The following MLLT3 variants were observed in gnomAD, a reference collection of about 807,000 sequenced individuals.
MLLT3 encodes protein AF-9.
Under a neutral mutation model 53.2 loss-of-function variants are expected in MLLT3, and 4 were observed. The ratio of observed to expected loss-of-function variants is 0.08; its 90% CI spans 0.04 to 0.17. The LOEUF (loss-of-function observed/expected upper bound fraction) is 0.17, where lower values mean the gene tolerates loss of function less well. MLLT3 is among the 10% of genes least tolerant of loss of function. MLLT3 has a pLI of 1.00. For synonymous variants in MLLT3, 283 were observed against 230.6 expected (o/e 1.23, Z -2.06); for missense variants, 569 against 684.0 (o/e 0.83, Z 1.87).
chr9:20,599,707 A>C (rs1820369109), intron 2 of MLLT3, among the ~76,000 whole-genome samples: 1 of 152,206 alleles, frequency 6.6e-6, no homozygotes, highest in African/African-American at 2.4e-5. Flanking sequence ...AAAAAGGGTG[A>C]CTATATAATC....
At chr9:20,513,432 G>A (rs867920199) in intron 2 of MLLT3, among the ~76,000 whole-genome samples, 24 of 152,312 alleles carry the variant, frequency 1.6e-4, no homozygotes, top group Non-Finnish European at 2.6e-4. Context: ...ACCAATGCGG[G>A]CGAAAGACAA....
chr9:20,496,773 G>A (rs141482295), intron 2 of MLLT3, among the ~76,000 whole-genome samples: 67 of 152,280 alleles, frequency 4.4e-4, no homozygotes, highest in Middle Eastern at 3.4e-3. Flanking sequence ...CTATGCCAGT[G>A]GATTCAGGCT....
chr9:20,472,646 C>T (rs1017803950), intron 2 of MLLT3, among the ~76,000 whole-genome samples: 2 of 151,888 alleles, frequency 1.3e-5, no homozygotes, highest in African/African-American at 4.8e-5. Flanking sequence ...ATATATAAGC[C>T]CCTGCATGTT....
intron 1 of MLLT3, 133 bp downstream of exon 1, chr9:20,622,112 C>T: frequency 1.9e-6 from 2 of 1,066,676 alleles, no homozygotes; most frequent in Admixed American, 2.8e-5. Context: ...GGAGAGGCGG[C>T]AGCTCCCTGC....
In MLLT3 at chr9:20,414,312, A is replaced by ACTG. The variant is rs747298605; in HGVS notation, c.531_533dup (p.Ser190dup). 1.3e-3 allele frequency: 2,080 copies of ACTG among 1,564,604 alleles called. 2 individuals carry two copies. The highest frequency in any genetic ancestry group is 6.1e-3 in the East Asian group (269 of 43,756). Reference sequence around the variant, plus strand: ...TGCTGCTGCTGCTACTGCTGCTGCTACTGCTGCTGCTGCTGCTGCTGCTGC... The same window carrying ACTG: ...TGCTGCTGCTGCTACTGCTGCTGCTACTGCTGCTGCTGCTGCTGCTGCTGCTGC... On this transcript the variant is annotated inframe_insertion, in exon 5 of 11. Transcript: ENST00000380338.
rs946671073 is a variant in MLLT3, at chr9:20,448,376, C to T, written c.277-110G>A. On this transcript the variant is annotated intron_variant, in intron 3 of 10. Coordinates refer to ENST00000380338, the MANE Select transcript of MLLT3 (RefSeq NM_004529.4). This position sits in a 1 kb window ranked among gnomAD's most constrained non-coding sequence, Gnocchi z 4.0. ...AATAGAAAAGAACTAAGACATCTAACAGCTAAACTGTCAAAGTAGTACTGG... is the reference window on the plus strand; with the variant it reads ...AATAGAAAAGAACTAAGACATCTAATAGCTAAACTGTCAAAGTAGTACTGG... 4 of 926,422 alleles carry T rather than the reference C, an allele frequency of 4.3e-6. No homozygotes were observed. The African/African-American group carries it at 6.7e-5, about 15-fold the overall frequency. The allele number at this position is 926,422 out of a possible 1,614,324, so 57.4% of individuals were successfully genotyped here. A position where few individuals can be genotyped will look rare whatever the true frequency, so the allele number is the denominator to read the frequency against.
intron 2 of MLLT3, among the ~76,000 whole-genome samples, chr9:20,467,978 G>C (rs1412051212): frequency 6.6e-6 from 1 of 152,210 alleles, no homozygotes; most frequent in Non-Finnish European, 1.5e-5. Flanking sequence ...CGTGGAGACA[G>C]AGAAGTTTAG....
intron 2 of MLLT3, among the ~76,000 whole-genome samples, chr9:20,531,418 G>A (rs570112674): frequency 1.3e-5 from 2 of 152,142 alleles, no homozygotes; most frequent in Non-Finnish European, 2.9e-5. Flanking sequence ...TTACAGGTGT[G>A]AGCCACTGTA....
chr9:20,507,498 G>C (rs1372170077), intron 2 of MLLT3, among the ~76,000 whole-genome samples: 1 of 152,000 alleles, frequency 6.6e-6, no homozygotes, highest in Non-Finnish European at 1.5e-5. Context: ...ATTTCTTAAA[G>C]CTTGCCTTTA....
At chr9:20,536,221 GGGAATAAAT>G (rs780316354) in intron 2 of MLLT3, among the ~76,000 whole-genome samples, 6 of 150,882 alleles carry the variant, frequency 4.0e-5, no homozygotes, top group African/African-American at 7.3e-5. Flanking sequence ...CTGGACAGCA[GGGAATAAAT>G]GGATAGCAAA....
intron 2 of MLLT3, among the ~76,000 whole-genome samples, chr9:20,614,535 T>C (rs772561876): frequency 2.0e-5 from 3 of 152,160 alleles, no homozygotes; most frequent in Non-Finnish European, 4.4e-5. Flanking sequence ...TGTATGTGTA[T>C]ATATATAAAG....
chr9:20,542,236 A>ATTTT (rs1563809276), intron 2 of MLLT3, among the ~76,000 whole-genome samples: 2 of 136,770 alleles, frequency 1.5e-5, no homozygotes, highest in African/African-American at 2.7e-5. Context: ...ATGAGCAGTA[A>ATTTT]TATTTTTTTT....
At chr9:20,521,217 T>G (rs1165403991) in intron 2 of MLLT3, among the ~76,000 whole-genome samples, 1 of 152,046 alleles carries the variant, frequency 6.6e-6, no homozygotes, top group Non-Finnish European at 1.5e-5. Context: ...ACTTCAGGTA[T>G]GCACCATCGC....
chr9:20,548,908 C>G (rs1449971161), intron 2 of MLLT3, among the ~76,000 whole-genome samples: 2 of 151,964 alleles, frequency 1.3e-5, no homozygotes, highest in South Asian at 2.1e-4. Flanking sequence ...CGACCTCCCC[C>G]GGCTCAGCTG....
intron 5 of MLLT3, among the ~76,000 whole-genome samples, chr9:20,393,035 A>T (rs1479643642): frequency 1.3e-5 from 2 of 152,092 alleles, no homozygotes; most frequent in East Asian, 3.9e-4. Flanking sequence ...CATGCCTGTA[A>T]TCCCAGCTAC....
chr9:20,605,418 G>A (rs1820537124), intron 2 of MLLT3, among the ~76,000 whole-genome samples: 2 of 151,954 alleles, frequency 1.3e-5, no homozygotes, highest in African/African-American at 4.8e-5. Flanking sequence ...TCTGAAGAAT[G>A]TGAATAACGG....
chr9:20,461,012 A>G (rs1050721988), intron 2 of MLLT3, among the ~76,000 whole-genome samples: 2 of 152,148 alleles, frequency 1.3e-5, no homozygotes, highest in African/African-American at 4.8e-5. Context: ...ACAGCCGTAA[A>G]TAACCGCTCC....
intron 2 of MLLT3, among the ~76,000 whole-genome samples, chr9:20,506,817 T>C (rs755274603): frequency 1.2e-4 from 18 of 152,204 alleles, no homozygotes; most frequent in Non-Finnish European, 2.4e-4. Context: ...ATGGCAAGCA[T>C]ATGGGAAAGA....
intron 8 of MLLT3, among the ~76,000 whole-genome samples, chr9:20,359,432 G>C (rs1392524460): frequency 6.6e-6 from 1 of 152,224 alleles, no homozygotes; most frequent in Non-Finnish European, 1.5e-5. Context: ...GGAAAAAGAA[G>C]TAAATAACTT....
Sources: allele counts gnomAD v4.1 joint callset (sites outside exome capture counted in the v4.1 genomes callset), GRCh38; gene constraint gnomAD v4.1.1; non-coding constraint Gnocchi (gnomAD v3.1); transcripts MANE v1.5; gene names NCBI Gene and HGNC (gene_info 2026-07-23, HGNC 2026-07-21).